GABRB1: variants seen among roughly 807,000 people sequenced by gnomAD.
GABRB1 encodes gamma-aminobutyric acid receptor subunit beta-1.
Under a neutral mutation model 51.6 loss-of-function variants are expected in GABRB1, and 17 were observed. That is an observed-to-expected ratio of 0.33 (90% CI 0.23 to 0.49). GABRB1 has a LOEUF of 0.49. GABRB1 is among the 20% of genes least tolerant of loss of function. The probability of loss-of-function intolerance (pLI) is 0.99; values close to 1 mark genes in which losing one functional copy is unlikely to be tolerated. For missense variants in GABRB1, 410 were observed against 600.6 expected (o/e 0.68, Z 3.32); for synonymous variants, 247 against 218.9 (o/e 1.13, Z -1.14).
intron 3 of GABRB1, among the ~76,000 whole-genome samples, chr4:47,087,835 G>C (rs1489409444): frequency 1.3e-5 from 2 of 152,140 alleles, no homozygotes; most frequent in Admixed American, 6.5e-5. Flanking sequence ...TGGATTATTT[G>C]AGGAAATAAT....
At chr4:47,138,607 T>C (rs1011192552) in intron 3 of GABRB1, among the ~76,000 whole-genome samples, 2 of 152,082 alleles carry the variant, frequency 1.3e-5, no homozygotes, top group African/African-American at 4.8e-5. Flanking sequence ...GAAAAAAATG[T>C]GCTCTTCTTT....
chr4:47,378,285 G>A lies in GABRB1; in HGVS notation c.545-25033G>A, dbSNP rs920389686. Among the ~76,000 whole-genome samples, 5 of 152,322 alleles carry A rather than the reference G, an allele frequency of 3.3e-5. No individual in the cohort carries two copies. The South Asian group carries it at 6.2e-4, about 19-fold the overall frequency. ...GGGACCCAGCACACCCTCCGCAGCCGCTGGCCTAGGTGCTAAGCCCCTCAT... is the reference window on the plus strand; with the variant it reads ...GGGACCCAGCACACCCTCCGCAGCCACTGGCCTAGGTGCTAAGCCCCTCAT... On this transcript the variant is annotated intron_variant, in intron 5 of 8. Coordinates refer to ENST00000295454, the MANE Select transcript of GABRB1 (RefSeq NM_000812.4).
At chr4:47,208,642 T>C (rs1720232684) in intron 4 of GABRB1, among the ~76,000 whole-genome samples, 1 of 152,116 alleles carries the variant, frequency 6.6e-6, no homozygotes, top group Non-Finnish European at 1.5e-5. Context: ...TGGATTTTTC[T>C]TAGGTTCAGT....
chr4:47,126,889 T>C lies in GABRB1; in HGVS notation c.241-34360T>C, dbSNP rs190155844. Among the ~76,000 whole-genome samples, 353 of 152,070 alleles carry C rather than the reference T, an allele frequency of 2.3e-3. 1 individual carries two copies. Among genetic ancestry groups the C allele is most frequent in the African/African-American group, 8.2e-3 (341 of 41,522 alleles). On this transcript the variant is annotated intron_variant, in intron 3 of 8. Coordinates refer to ENST00000295454, the MANE Select transcript of GABRB1 (RefSeq NM_000812.4). ...AAGCCAAACCAGTAGAAAGAGGAGG[T>C]AATAAAATACCTGAATGATATATGC...
chr4:47,366,266 G>C (rs1726979260), intron 5 of GABRB1, among the ~76,000 whole-genome samples: 1 of 152,142 alleles, frequency 6.6e-6, no homozygotes, highest in Non-Finnish European at 1.5e-5. Context: ...ATGCAGGTGA[G>C]TCTCCATAAG....
At chr4:47,412,695 G>A (rs773187338) in intron 8 of GABRB1, among the ~76,000 whole-genome samples, 1 of 152,130 alleles carries the variant, frequency 6.6e-6, no homozygotes, top group African/African-American at 2.4e-5. Flanking sequence ...GGTTTAATAG[G>A]AGAAAGAAAG....
chr4:47,021,000 C>A (rs1340496048), intron 1 of GABRB1, among the ~76,000 whole-genome samples: 2 of 152,144 alleles, frequency 1.3e-5, no homozygotes, highest in Non-Finnish European at 1.5e-5. Context: ...TGCTCTTTGT[C>A]AACATATTTA....
intron 4 of GABRB1, among the ~76,000 whole-genome samples, chr4:47,305,914 G>A (rs1250702717): frequency 6.6e-6 from 1 of 151,998 alleles, no homozygotes; most frequent in Non-Finnish European, 1.5e-5. Context: ...GATATTTTGG[G>A]ATATTTTTCT....
At chr4:47,061,174 T>C (rs1726832116) in intron 3 of GABRB1, among the ~76,000 whole-genome samples, 1 of 152,228 alleles carries the variant, frequency 6.6e-6, no homozygotes, top group Non-Finnish European at 1.5e-5. Context: ...CATCTGTAAT[T>C]GAACTGTCAG....
At position 47,138,503 on chromosome 4, in the gene GABRB1, A is replaced by G. The variant is rs148220590; in HGVS notation, c.241-22746A>G. Among the ~76,000 whole-genome samples the G allele has an allele frequency of 1.6e-4, 25 of 152,122 alleles. No homozygotes were observed. In the South Asian group the frequency reaches 3.7e-3, roughly 23 times the overall value. On this transcript the variant is annotated intron_variant, in intron 3 of 8. Coordinates refer to ENST00000295454, the MANE Select transcript of GABRB1 (RefSeq NM_000812.4). Reference sequence around the variant, plus strand: ...TGAGTCTGACCAATCTGAATTTTTTATTAGCCTGGCCAGAGTGACTATTTG... The same window carrying G: ...TGAGTCTGACCAATCTGAATTTTTTGTTAGCCTGGCCAGAGTGACTATTTG...
At chr4:47,378,987 A>G (rs1289343705) in intron 5 of GABRB1, among the ~76,000 whole-genome samples, 2 of 152,130 alleles carry the variant, frequency 1.3e-5, no homozygotes, top group Non-Finnish European at 2.9e-5. Flanking sequence ...GATAGATTCA[A>G]AATGACTTAT....
chr4:47,250,998 T>G (rs1171319776), intron 4 of GABRB1, among the ~76,000 whole-genome samples: 1 of 152,166 alleles, frequency 6.6e-6, no homozygotes, highest in African/African-American at 2.4e-5. Flanking sequence ...CTAGTATTAT[T>G]TCTTGGGGGG....
At position 47,155,916 on chromosome 4, in the gene GABRB1, C is replaced by CATATATATATATATATATATAT. The variant is rs10525795; in HGVS notation, c.241-5324_241-5303dup. On this transcript the variant is annotated intron_variant, in intron 3 of 8. Coordinates refer to ENST00000295454, the MANE Select transcript of GABRB1 (RefSeq NM_000812.4). ...TACTCATACTAAAAAGAGGTATTTT[C>CATATATATATATATATATATAT]ATATATATATATATATATATATATA... 9.7e-3 allele frequency among the ~76,000 whole-genome samples: 712 copies of CATATATATATATATATATATAT among 73,386 alleles called. 88 individuals carry two copies. The highest frequency in any genetic ancestry group is 0.043 in the Middle Eastern group (3 of 70). 48.1% of individuals were successfully genotyped at this position (73,386 alleles called of 152,430 possible).
At chr4:47,417,266 T>C (rs1007998853) in intron 8 of GABRB1, among the ~76,000 whole-genome samples, 4 of 151,802 alleles carry the variant, frequency 2.6e-5, no homozygotes, top group African/African-American at 9.7e-5. Context: ...ACAGCCTTAT[T>C]TTTGTTTTTT....
intron 4 of GABRB1, among the ~76,000 whole-genome samples, chr4:47,200,293 T>G (rs1015226347): frequency 6.6e-6 from 1 of 152,058 alleles, no homozygotes; most frequent in African/African-American, 2.4e-5. Context: ...TTGTTGATAA[T>G]CACAAAGTCA....
At chr4:47,358,365 ATATATATGTGTGTGTG>A (rs1165541217) in intron 5 of GABRB1, among the ~76,000 whole-genome samples, 1 of 147,936 alleles carries the variant, frequency 6.8e-6, no homozygotes, top group Non-Finnish European at 1.5e-5. Flanking sequence ...GTGTGTGTGT[ATATATATGTGTGTGTG>A]TATATATGTA....
chr4:47,186,299 A>G (rs1184423129), intron 4 of GABRB1, among the ~76,000 whole-genome samples: 2 of 151,910 alleles, frequency 1.3e-5, no homozygotes, highest in South Asian at 2.1e-4. Context: ...CTGTCAGAAA[A>G]TCAGTAAGTA....
chr4:47,416,944 T>C (rs938535275), intron 8 of GABRB1, among the ~76,000 whole-genome samples: 1 of 152,106 alleles, frequency 6.6e-6, no homozygotes, highest in African/African-American at 2.4e-5. Flanking sequence ...TATGTGCTCA[T>C]AAAAATTTTT....
rs1192422490 is a variant in GABRB1 at position 47,380,239 on chromosome 4, C to T, written c.545-23079C>T. On this transcript the variant is annotated intron_variant, in intron 5 of 8. Transcript: ENST00000295454. ...TATGGAGCATATAACCAAGTATCAA[C>T]AAACAGTTGCCTGCCAAGTAATAAC... 3.9e-5 allele frequency among the ~76,000 whole-genome samples: 6 copies of T among 152,196 alleles called. No homozygotes were observed. In the South Asian group the frequency reaches 1.0e-3, roughly 26 times the overall value.
Sources: allele counts gnomAD v4.1 joint callset (sites outside exome capture counted in the v4.1 genomes callset), GRCh38; gene constraint gnomAD v4.1.1; transcripts MANE v1.5; gene names NCBI Gene and HGNC (gene_info 2026-07-23, HGNC 2026-07-21).